MAP2: variants seen among roughly 807,000 people sequenced by gnomAD.
MAP2 encodes the protein microtubule associated protein 2.
MAP2 carries 14 observed loss-of-function variants against 137.6 expected under a neutral mutation model. The observed-to-expected ratio is 0.10, with a 90% confidence interval of 0.07 to 0.16. MAP2 has a LOEUF of 0.16. Ranked by LOEUF, MAP2 falls within the 10% of genes least tolerant of loss-of-function variation. The pLI, the probability that MAP2 is intolerant of heterozygous loss-of-function variation, is 1.00. For synonymous variants in MAP2, 786 were observed against 782.3 expected (o/e 1.00, Z -0.08); for missense variants, 2,088 against 2,191.5 (o/e 0.95, Z 0.94).
chr2:209,637,378 G>A (rs376900017), intron 4 of MAP2, among the ~76,000 whole-genome samples: 13 of 152,106 alleles, frequency 8.5e-5, no homozygotes, highest in African/African-American at 2.4e-4. Flanking sequence ...AGGAGTCAGA[G>A]GTTGCAGTGA....
intron 7 of MAP2, chr2:209,690,868 T>G (rs1422482998): frequency 1.6e-6 from 2 of 1,257,860 alleles, no homozygotes; most frequent in South Asian, 2.7e-5. Flanking sequence ...TCTCAGGATT[T>G]GCATGTGTTT....
intron 2 of MAP2, among the ~76,000 whole-genome samples, chr2:209,566,145 C>T (rs1247846539): frequency 6.6e-6 from 1 of 152,186 alleles, no homozygotes; most frequent in Admixed American, 6.5e-5. Flanking sequence ...CTTAATTTAT[C>T]CTGTTGATGA....
intron 2 of MAP2, among the ~76,000 whole-genome samples, chr2:209,530,903 C>T (rs1295239214): frequency 1.3e-5 from 2 of 152,114 alleles, no homozygotes; most frequent in Non-Finnish European, 2.9e-5. Flanking sequence ...TTCCTAGTTG[C>T]TTCTCAGTAT....
At chr2:209,582,649 T>G (rs1167265958) in intron 3 of MAP2, among the ~76,000 whole-genome samples, 1 of 146,862 alleles carries the variant, frequency 6.8e-6, no homozygotes, top group East Asian at 2.1e-4. Context: ...GATAGATAGA[T>G]AGATAGATGA....
intron 5 of MAP2, among the ~76,000 whole-genome samples, chr2:209,677,948 T>A (rs1162508777): frequency 6.6e-6 from 1 of 152,022 alleles, no homozygotes; most frequent in African/African-American, 2.4e-5. Context: ...TGATCCTGGA[T>A]AATGCTATTT....
chr2:209,652,164 A>G (rs1186566544), intron 4 of MAP2, among the ~76,000 whole-genome samples: 10 of 152,200 alleles, frequency 6.6e-5, no homozygotes, highest in Non-Finnish European at 1.0e-4. Flanking sequence ...AAACTTGGTA[A>G]TATCAGCTTG....
chr2:209,704,566 G>T, intron 11 of MAP2: 1 of 1,611,786 alleles, frequency 6.2e-7, no homozygotes, highest in South Asian at 1.1e-5. Context: ...TATTAATACA[G>T]CCCACCTCAG....
intron 1 of MAP2, among the ~76,000 whole-genome samples, chr2:209,494,729 T>TA (rs2059550887): frequency 6.6e-6 from 1 of 152,188 alleles, no homozygotes; most frequent in African/African-American, 2.4e-5. Flanking sequence ...GCTTTCACTT[T>TA]AAAAAACAAA....
intron 1 of MAP2, among the ~76,000 whole-genome samples, chr2:209,458,556 T>C (rs538933379): frequency 3.3e-5 from 5 of 152,250 alleles, no homozygotes; most frequent in Non-Finnish European, 1.5e-5. Context: ...TATTGAGAGA[T>C]AGTTGAGACT....
chr2:209,563,446 A>C (rs186297893), intron 2 of MAP2, among the ~76,000 whole-genome samples: 15 of 147,928 alleles, frequency 1.0e-4, no homozygotes, highest in Admixed American at 9.2e-4. Flanking sequence ...CTTATAAAAG[A>C]TTTTCATTGT....
At chr2:209,659,791 C>G (rs975344499) in intron 5 of MAP2, among the ~76,000 whole-genome samples, 1 of 151,762 alleles carries the variant, frequency 6.6e-6, no homozygotes, top group African/African-American at 2.4e-5. Flanking sequence ...GGAATCCCAG[C>G]ACTTTGGGAG....
chr2:209,566,800 G>A (rs1386567327), intron 2 of MAP2, among the ~76,000 whole-genome samples: 1 of 152,034 alleles, frequency 6.6e-6, no homozygotes, highest in Non-Finnish European at 1.5e-5. Flanking sequence ...TAACTCATGA[G>A]TGTCAGTTTC....
At chr2:209,595,981 G>C (rs2081184658) in intron 3 of MAP2, among the ~76,000 whole-genome samples, 1 of 152,158 alleles carries the variant, frequency 6.6e-6, no homozygotes, top group Admixed American at 6.5e-5. Context: ...GGGAGGGATA[G>C]CATTAGGAGA....
intron 2 of MAP2, among the ~76,000 whole-genome samples, chr2:209,549,056 CTA>C (rs2068647194): frequency 6.6e-6 from 1 of 152,108 alleles, no homozygotes; most frequent in African/African-American, 2.4e-5. Flanking sequence ...GCTCTTTGCC[CTA>C]TAGTCACAAG....
intron 5 of MAP2, among the ~76,000 whole-genome samples, chr2:209,672,366 C>G (rs1008752283): frequency 6.6e-6 from 1 of 151,820 alleles, no homozygotes. Flanking sequence ...TACATTTTGT[C>G]AATCAAATTA....
intron 1 of MAP2, among the ~76,000 whole-genome samples, chr2:209,473,514 T>G (rs994466545): frequency 6.6e-6 from 1 of 152,138 alleles, no homozygotes; most frequent in Non-Finnish European, 1.5e-5. Flanking sequence ...TTGTCACATA[T>G]GTTTTCATTA....
Position 209,694,943 on chromosome 2 carries a change from G to A in MAP2, c.2773G>A (p.Val925Ile), listed in dbSNP as rs1351429245. ...AGTGAAACTGGCAGCAGCCGGAAGA[G>A]TCAAAGATGAGTTCAGTGTTGACAA... Reference protein sequence around the residue: ...IEVKLAAAGRVKDEFSVDKEA... With the variant: ...IEVKLAAAGRIKDEFSVDKEA... The change falls in exon 8 of 16, where the codon GTC (valine) becomes ATC (isoleucine). Residue 925 changes from valine to isoleucine, a missense_variant. By Grantham distance (29) the Val-to-Ile change is conservative. Transcript: ENST00000682079. 5.0e-6 allele frequency: 8 copies of A among 1,614,046 alleles called. No homozygotes were observed. The highest frequency in any genetic ancestry group is 3.3e-5 in the South Asian group (3 of 91,086).
intron 2 of MAP2, among the ~76,000 whole-genome samples, chr2:209,566,160 G>A (rs564814451): frequency 1.2e-4 from 18 of 152,288 alleles, no homozygotes; most frequent in African/African-American, 3.1e-4. Flanking sequence ...TGATGAGACT[G>A]AACTGCATTG....
Position 209,709,936 on chromosome 2 carries a change from A to C in MAP2, c.4755A>C (p.Ala1585=), listed in dbSNP as rs1438525429. 2 of 1,613,548 alleles carry C rather than the reference A, an allele frequency of 1.2e-6. No individual in the cohort carries two copies. Among genetic ancestry groups the C allele is most frequent in the Admixed American group, 3.3e-5 (2 of 59,968 alleles). Residue 1585 remains alanine (A), a synonymous_variant, in exon 13 of 16, where the codon GCA becomes GCC. Coordinates refer to ENST00000682079, the MANE Select transcript of MAP2 (RefSeq NM_001375505.1). ...RTTRSEPIRR[A]GKSGTSTPTT... is the part of the protein sequence containing the mutation. ...CAGGGTCAGAGCCAATTCGCAGAGC[A>C]GGGAAGAGTGGTACCTCAACACCCA... is the stretch of plus-strand genomic sequence containing the variant.
Sources: allele counts gnomAD v4.1 joint callset (sites outside exome capture counted in the v4.1 genomes callset), GRCh38; gene constraint gnomAD v4.1.1; transcripts MANE v1.5; gene names NCBI Gene and HGNC (gene_info 2026-07-23, HGNC 2026-07-21).